Variants in PLIN2 observed in about 807,000 individuals in gnomAD.
The protein encoded by PLIN2 is perilipin 2.
A neutral mutation model predicts 30.6 loss-of-function variants in PLIN2; 33 were observed. The ratio of observed to expected loss-of-function variants is 1.08; its 90% CI spans 0.82 to 1.44. The LOEUF is 1.44. Among genes scored for constraint, PLIN2 ranks in the 40% most tolerant of loss-of-function variants. The probability of loss-of-function intolerance (pLI) is 0.00; values close to 1 mark genes in which losing one functional copy is unlikely to be tolerated. For missense variants in PLIN2, 610 were observed against 531.8 expected, an observed-to-expected ratio of 1.15 and a Z score of -1.45; for synonymous variants, 205 against 201.1, an observed-to-expected ratio of 1.02 and a Z score of -0.16.
At position 19,126,237 on chromosome 9, in the gene PLIN2, T is replaced by C; in HGVS notation, c.103A>G (p.Ser35Gly). The change falls in exon 3 of 8, where the codon AGT (serine) becomes GGT (glycine). Residue 35 changes from serine to glycine, a missense_variant. Coordinates refer to ENST00000276914, the MANE Select transcript of PLIN2 (RefSeq NM_001122.4). ...AGGTAGGGATACTGGTCCTTTGTAC[T>C]GAGATAGGCTGAGGACATGAGGTCA... Reference protein sequence around the residue: ...TYDLMSSAYLSTKDQYPYLKS... With the variant: ...TYDLMSSAYLGTKDQYPYLKS... 2 of 1,613,352 alleles carry C rather than the reference T, an allele frequency of 1.2e-6. No homozygotes were observed. Among genetic ancestry groups the C allele is most frequent in the Non-Finnish European group, 1.7e-6 (2 of 1,179,306 alleles).
intron 3 of PLIN2, 48 bp from the exon 4 acceptor site, chr9:19,123,695 A>G: frequency 1.4e-6 from 2 of 1,480,736 alleles, no homozygotes; most frequent in Non-Finnish European, 1.9e-6. Flanking sequence ...TAGGTATAGA[A>G]TGAACACACA....
At chr9:19,121,268 A>T in intron 4 of PLIN2, 103 bp from the exon 5 acceptor site, 1 of 998,380 alleles carries the variant, frequency 1.0e-6, no homozygotes, top group Non-Finnish European at 1.5e-6. Context: ...TAAAGAAGGA[A>T]TCTAGTCCTC....
At chr9:19,118,874 G>C (rs909068938) in intron 6 of PLIN2, among the ~76,000 whole-genome samples, 1 of 152,092 alleles carries the variant, frequency 6.6e-6, no homozygotes, top group Non-Finnish European at 1.5e-5. Flanking sequence ...TGTATTTTTA[G>C]TAGAGACAGG....
At chr9:19,121,417 G>C (rs1157875219) in intron 4 of PLIN2, among the ~76,000 whole-genome samples, 1 of 146,048 alleles carries the variant, frequency 6.8e-6, no homozygotes, top group African/African-American at 2.5e-5. Flanking sequence ...AAATTTGTCT[G>C]TTTGCCAAGG....
In PLIN2 at chr9:19,121,084, C is replaced by T. The variant is rs1203544463; in HGVS notation, c.391G>A (p.Ala131Thr). ...TTVTGAKDSVASTITGVMDKT... is the reference protein window; with the variant it reads ...TTVTGAKDSVTSTITGVMDKT... ...TCCATCACCCCTGTGATCGTGCTGG[C>T]CACAGAATCCTTGGCCCCAGTCACA... Residue 131 changes from alanine to threonine, a missense_variant, in exon 5 of 8, where the codon GCC becomes ACC. By Grantham distance (58) the Ala-to-Thr change is moderately conservative (BLOSUM62 0). Transcript: ENST00000276914. The T allele has an allele frequency of 1.5e-5, 24 of 1,614,066 alleles. No individual in the cohort carries two copies. The highest frequency in any genetic ancestry group is 1.9e-5 in the Non-Finnish European group (23 of 1,180,030).
downstream of PLIN2, among the ~76,000 whole-genome samples, chr9:19,113,693 GC>G (rs1439125900): frequency 1.3e-5 from 2 of 150,892 alleles, no homozygotes; most frequent in Non-Finnish European, 2.9e-5. Context: ...TTGTGCCTCA[GC>G]CCCCAAGTAG....
intron 3 of PLIN2, among the ~76,000 whole-genome samples, chr9:19,124,549 T>C (rs2131184920): frequency 6.6e-6 from 1 of 152,314 alleles, no homozygotes; most frequent in Non-Finnish European, 1.5e-5. Flanking sequence ...AGTCCCTGGC[T>C]TAACCATTTG....
intron 1 of PLIN2, 54 bp from the exon 2 acceptor site, chr9:19,126,502 T>G: frequency 2.6e-6 from 3 of 1,148,864 alleles, no homozygotes; most frequent in African/African-American, 1.5e-5. Context: ...CCCAAATTCA[T>G]TCCCCAACCC....
chr9:19,110,812 A>G (rs569879629), downstream of PLIN2, among the ~76,000 whole-genome samples: 2 of 152,312 alleles, frequency 1.3e-5, no homozygotes, highest in African/African-American at 2.4e-5. Context: ...CTCAAATGGC[A>G]CTTTCATAAA....
chr9:19,125,384 C>A (rs936855215), intron 3 of PLIN2: 3 of 152,130 alleles, frequency 2.0e-5, no homozygotes, highest in Admixed American at 2.0e-4. Flanking sequence ...AAAACCCTGT[C>A]TCTACTAAAA....
intron 6 of PLIN2, among the ~76,000 whole-genome samples, chr9:19,119,371 T>A (rs1818277601): frequency 6.6e-6 from 1 of 152,206 alleles, no homozygotes; most frequent in Admixed American, 6.5e-5. Context: ...ACAAGTGTGG[T>A]TCTTTCTCTA....
At position 19,126,409 on chromosome 9, in the gene PLIN2, A is replaced by G. The variant is rs1452702325; in HGVS notation, c.18T>C (p.Val6=). The part of the protein sequence containing the change: MASVA[V]DPQPSVVTRV... Reference sequence around the variant, plus strand: ...TCAAAATTCATACCGGTTGTGGATCAACTGCAACGGATGCCATTTTTCTTC... The same window carrying G: ...TCAAAATTCATACCGGTTGTGGATCGACTGCAACGGATGCCATTTTTCTTC... Residue 6 remains valine (V), a synonymous_variant, in exon 2 of 8, where the codon GTT becomes GTC. Coordinates refer to ENST00000276914, the MANE Select transcript of PLIN2 (RefSeq NM_001122.4). 2 of 1,613,660 alleles carry G rather than the reference A, an allele frequency of 1.2e-6. No homozygotes were observed. The highest frequency in any genetic ancestry group is 4.5e-5 in the East Asian group (2 of 44,900).
Position 19,121,183 on chromosome 9 carries a change from G to A in PLIN2, c.310-18C>T. 6.2e-7 allele frequency: 1 copy of A among 1,611,582 alleles called. No homozygotes were observed. Among genetic ancestry groups the A allele is most frequent in the Non-Finnish European group, 8.5e-7 (1 of 1,178,086 alleles). ...GCAACAATCTGTAAGTAGAAAAGCA[G>A]ATCCCCTGGCTGGTGAGAAAAATGA... On this transcript the variant is annotated intron_variant, in intron 4 of 7. Transcript: ENST00000276914.
At chr9:19,123,391 A>T in intron 4 of PLIN2, 174 bp downstream of exon 4, 6 of 1,551,524 alleles carry the variant, frequency 3.9e-6, no homozygotes, top group Non-Finnish European at 5.2e-6. Flanking sequence ...TCGTAGATAC[A>T]ACTTGACAAC....
rs1818218141 is a variant in PLIN2, at chr9:19,116,180, A to G, written c.*68T>C. 1.4e-6 allele frequency: 2 copies of G among 1,447,692 alleles called. No homozygotes were observed. Among genetic ancestry groups the G allele is most frequent in the East Asian group, 2.3e-5 (1 of 43,592 alleles). The allele number at this position is 1,447,692 out of a possible 1,614,324, so 89.7% of individuals were successfully genotyped here. ...CTTCCCAATTTAGGGTTGCCTAGCA[A>G]GTTAATTTCAACATAACAAAAGGTG... On this transcript the variant is annotated 3_prime_UTR_variant, in exon 8 of 8. Coordinates refer to ENST00000276914, the MANE Select transcript of PLIN2 (RefSeq NM_001122.4).
chr9:19,120,231 G>A (rs1392116435), intron 5 of PLIN2, among the ~76,000 whole-genome samples: 1 of 151,768 alleles, frequency 6.6e-6, no homozygotes, highest in Non-Finnish European at 1.5e-5. Context: ...GCTAATTTTT[G>A]TGTTTTTTAG....
At position 19,120,891 on chromosome 9, in the gene PLIN2, T is replaced by C. The variant is rs1227401586; in HGVS notation, c.584A>G (p.Glu195Gly). ...LLVEQYLPLT[E>G]EELEKEAKKV... Reference sequence around the variant, plus strand: ...AAAATTCCAGTTACCTAGTTCTTCCTCAGTGAGAGGGAGGTACTGTTCTAC... The same window carrying C: ...AAAATTCCAGTTACCTAGTTCTTCCCCAGTGAGAGGGAGGTACTGTTCTAC... Residue 195 changes from glutamate (E) to glycine (G), a missense_variant, in exon 5 of 8, where the codon GAG becomes GGG. Glu to Gly is a moderately conservative substitution (Grantham distance 98, BLOSUM62 -2). Coordinates refer to ENST00000276914, the MANE Select transcript of PLIN2 (RefSeq NM_001122.4). The C allele has an allele frequency of 1.2e-6, 2 of 1,613,542 alleles. No homozygotes were observed. The highest frequency in any genetic ancestry group is 1.7e-5 in the Admixed American group (1 of 60,014).
At chr9:19,123,145 A>T in intron 4 of PLIN2, 1 of 558,664 alleles carries the variant, frequency 1.8e-6, no homozygotes, top group Middle Eastern at 4.8e-4. Flanking sequence ...TCACCAGGAC[A>T]GACAAGCCTA....
intron 2 of PLIN2, among the ~76,000 whole-genome samples, chr9:19,110,401 A>G (rs138848789): frequency 6.6e-6 from 1 of 152,304 alleles, no homozygotes; most frequent in Non-Finnish European, 1.5e-5. Context: ...TAACATTGTG[A>G]ATGTGCTTAA....
Sources: allele counts gnomAD v4.1 joint callset (sites outside exome capture counted in the v4.1 genomes callset), GRCh38; gene constraint gnomAD v4.1.1; transcripts MANE v1.5; gene names NCBI Gene and HGNC (gene_info 2026-07-23, HGNC 2026-07-21).